MTUS1: variants seen among roughly 807,000 people sequenced by gnomAD.
MTUS1 encodes microtubule-associated tumor suppressor 1.
Under a neutral mutation model 120.8 loss-of-function variants are expected in MTUS1, and 109 were observed. The ratio of observed to expected loss-of-function variants is 0.90; its 90% CI spans 0.77 to 1.06. The LOEUF (loss-of-function observed/expected upper bound fraction) is 1.06, where lower values mean the gene tolerates loss of function less well. Ranked by LOEUF, MTUS1 falls within the 50% of genes least tolerant of loss-of-function variation. The probability of loss-of-function intolerance (pLI) is 0.00; values close to 1 mark genes in which losing one functional copy is unlikely to be tolerated. For missense variants in MTUS1, 2,210 were observed against 1,486.3 expected (o/e 1.49, Z -8.01); for synonymous variants, 737 against 550.5 (o/e 1.34, Z -4.74).
intron 1 of MTUS1, among the ~76,000 whole-genome samples, chr8:17,800,349 GAAAC>G (rs1461871796): frequency 1.3e-5 from 2 of 152,114 alleles, no homozygotes; most frequent in Non-Finnish European, 2.9e-5. Context: ...TGGTTTCATT[GAAAC>G]AAACAAAACA....
At chr8:17,739,578 G>A (rs1245665554) in intron 3 of MTUS1, among the ~76,000 whole-genome samples, 1 of 152,066 alleles carries the variant, frequency 6.6e-6, no homozygotes, top group Non-Finnish European at 1.5e-5. Context: ...ATAATGTGTT[G>A]GTTAACAGCA....
At chr8:17,709,910 G>A (rs11203903) in intron 6 of MTUS1, among the ~76,000 whole-genome samples, 64,181 of 151,526 alleles carry the variant, frequency 0.42, 14,757 homozygotes, top group Middle Eastern at 0.58. Flanking sequence ...GGGAGGCTGA[G>A]GCAGGAGAAT....
At chr8:17,788,430 G>C (rs1307555836) in intron 1 of MTUS1, among the ~76,000 whole-genome samples, 2 of 151,982 alleles carry the variant, frequency 1.3e-5, no homozygotes, top group Admixed American at 1.3e-4. Context: ...GTTGACGATA[G>C]CTACTAGTTA....
intron 1 of MTUS1, among the ~76,000 whole-genome samples, chr8:17,763,619 C>T (rs939634354): frequency 2.8e-4 from 42 of 152,118 alleles, no homozygotes; most frequent in African/African-American, 8.2e-4. Context: ...AGAGCCAGGA[C>T]GACGGTGCAC....
chr8:17,680,464 CAAAAAAA>C (rs58490523), intron 7 of MTUS1, among the ~76,000 whole-genome samples: 26 of 24,298 alleles, frequency 1.1e-3, no homozygotes, highest in South Asian at 2.6e-3. Flanking sequence ...GCCACTGTCG[CAAAAAAA>C]AAAAAAAAAA....
intron 5 of MTUS1, among the ~76,000 whole-genome samples, chr8:17,714,943 T>C (rs1822041647): frequency 7.4e-6 from 1 of 134,916 alleles, no homozygotes; most frequent in East Asian, 2.5e-4. Context: ...TCTCACTCTG[T>C]CACCCAGGCG....
intron 2 of MTUS1, among the ~76,000 whole-genome samples, chr8:17,744,836 T>G (rs1382405483): frequency 6.6e-6 from 1 of 151,908 alleles, no homozygotes; most frequent in Non-Finnish European, 1.5e-5. Context: ...AGCCAATAAC[T>G]TAATTCTTTC....
chr8:17,687,749 C>T (rs565411748), intron 6 of MTUS1, among the ~76,000 whole-genome samples: 2 of 152,348 alleles, frequency 1.3e-5, no homozygotes, highest in East Asian at 3.9e-4. Flanking sequence ...GAACCAAAGA[C>T]ATTTGCTCAT....
chr8:17,714,126 C>T (rs758003838), intron 5 of MTUS1, among the ~76,000 whole-genome samples: 45 of 152,156 alleles, frequency 3.0e-4, no homozygotes, highest in Non-Finnish European at 2.9e-4. Flanking sequence ...GTTTTCCAAC[C>T]TGATGTCAAC....
intron 1 of MTUS1, among the ~76,000 whole-genome samples, chr8:17,786,750 G>C (rs543496889): frequency 6.6e-6 from 1 of 152,260 alleles, no homozygotes; most frequent in East Asian, 1.9e-4. Flanking sequence ...CACCCGAGCG[G>C]TATGAAGGAG....
chr8:17,780,018 T>G (rs967367261), intron 1 of MTUS1, among the ~76,000 whole-genome samples: 1 of 152,098 alleles, frequency 6.6e-6, no homozygotes, highest in Non-Finnish European at 1.5e-5. Context: ...TGATCCCCAG[T>G]GGTTGAGGTG....
chr8:17,722,449 T>C (rs1054686392), intron 4 of MTUS1: 2 of 985,432 alleles, frequency 2.0e-6, no homozygotes, highest in African/African-American at 1.7e-5. Context: ...CCCTCTTACA[T>C]GCAAGCCTGA....
intron 6 of MTUS1, among the ~76,000 whole-genome samples, chr8:17,699,196 T>G (rs1367127190): frequency 6.6e-6 from 1 of 152,134 alleles, no homozygotes; most frequent in Admixed American, 6.5e-5. Flanking sequence ...AACAGCAAAT[T>G]CTAAATTATC....
intron 1 of MTUS1, among the ~76,000 whole-genome samples, chr8:17,774,083 C>A (rs763484150): frequency 6.6e-6 from 1 of 152,168 alleles, no homozygotes; most frequent in Non-Finnish European, 1.5e-5. Flanking sequence ...AACCCACAAG[C>A]ATATAATCTT....
chr8:17,792,403 C>A (rs1371600167), intron 1 of MTUS1, among the ~76,000 whole-genome samples: 1 of 152,188 alleles, frequency 6.6e-6, no homozygotes. Flanking sequence ...CCAGAACTTT[C>A]CAACAAAATA....
Position 17,756,679 on chromosome 8 carries a change from C to CCACCA in MTUS1, c.-154-719_-154-718insTGGTG, listed in dbSNP as rs1554526184. Reference sequence around the variant, plus strand: ...TCATATGTCAAGCCCAAACCCCCACCCCTTATGTAACTATGTTGGAGACAG... The same window carrying CCACCA: ...TCATATGTCAAGCCCAAACCCCCACCCACCACCTTATGTAACTATGTTGGAGACAG... On this transcript the variant is annotated intron_variant, in intron 1 of 14. Transcript: ENST00000693296. Among the ~76,000 whole-genome samples the CCACCA allele has an allele frequency of 2.3e-4, 29 of 123,518 alleles. 1 individual carries two copies. In the East Asian group the frequency reaches 3.9e-3, roughly 17 times the overall value. 81.0% of individuals were successfully genotyped at this position (123,518 alleles called of 152,430 possible). A position where few individuals can be genotyped will look rare whatever the true frequency, so the allele number is the denominator to read the frequency against.
intron 8 of MTUS1, among the ~76,000 whole-genome samples, chr8:17,662,402 C>T (rs1318391176): frequency 3.7e-5 from 5 of 134,902 alleles, no homozygotes; most frequent in African/African-American, 1.1e-4. Context: ...GTCACCTGGG[C>T]TAGAATGCAG....
chr8:17,653,081 GATTCCCAA>G, intron 12 of MTUS1, 97 bp downstream of exon 12: 3 of 662,338 alleles, frequency 4.5e-6, no homozygotes, highest in Admixed American at 3.6e-5. Flanking sequence ...ACATGAGAAG[GATTCCCAA>G]CCTGTGTTAT....
Position 17,655,885 on chromosome 8 carries a change from T to A in MTUS1, c.3086A>T (p.Tyr1029Phe), listed in dbSNP as rs1808105314. The change falls in exon 9 of 15, where the codon TAC becomes TTC. Residue 1029 changes from tyrosine (Y) to phenylalanine (F), a missense_variant. By Grantham distance (22) the Tyr-to-Phe change is conservative. Coordinates refer to ENST00000693296, the MANE Select transcript of MTUS1 (RefSeq NM_001363059.2). ...RDTYIEEAEK[Y>F]KMQLQEQFDN... ...GACCTGCTCTTGCAATTGCATTTTG[T>A]ACTTCTCTGCTTCTTCAATGTAAGT... The A allele has an allele frequency of 6.2e-7, 1 of 1,614,116 alleles. No individual in the cohort carries two copies.
Sources: gnomAD v4.1 joint callset for allele counts (sites outside exome capture counted in the v4.1 genomes callset) on GRCh38, gnomAD v4.1.1 for gene constraint, MANE v1.5 for transcripts, NCBI Gene and HGNC (gene_info 2026-07-23, HGNC 2026-07-21) for gene names.